Variants in INPP5A observed in about 807,000 individuals in gnomAD.
The protein encoded by INPP5A is 43 kDa inositol polyphosphate 5-phophatase.
A neutral mutation model predicts 65.2 loss-of-function variants in INPP5A; 14 were observed. That is an observed-to-expected ratio of 0.21 (90% CI 0.14 to 0.34). The LOEUF (loss-of-function observed/expected upper bound fraction) is 0.34. Among genes scored for constraint, INPP5A ranks in the 10% least tolerant of loss-of-function variants. INPP5A has a pLI of 1.00. For synonymous variants in INPP5A, 207 were observed against 208.3 expected (o/e 0.99, Z 0.05); for missense variants, 431 against 545.6 (o/e 0.79, Z 2.09).
At chr10:132,563,404 G>A (rs2071230888) in intron 1 of INPP5A, among the ~76,000 whole-genome samples, 1 of 152,220 alleles carries the variant, frequency 6.6e-6, no homozygotes, top group Non-Finnish European at 1.5e-5. Context: ...TCCTGCAAAT[G>A]TGAGCACCAG....
At chr10:132,708,449 C>A in intron 7 of INPP5A, 84 bp downstream of exon 7, 1 of 1,321,568 alleles carries the variant, frequency 7.6e-7, no homozygotes, top group Non-Finnish European at 1.1e-6. Flanking sequence ...CCACACACCT[C>A]ATTGGAGGCT....
intron 2 of INPP5A, among the ~76,000 whole-genome samples, chr10:132,643,959 A>G (rs966631160): frequency 2.5e-4 from 38 of 152,018 alleles, no homozygotes; most frequent in Non-Finnish European, 5.0e-4. Flanking sequence ...GGCAGATCTC[A>G]AGCCCACCCA....
At chr10:132,766,869 C>T (rs1846854932) in intron 12 of INPP5A, among the ~76,000 whole-genome samples, 1 of 143,988 alleles carries the variant, frequency 6.9e-6, no homozygotes, top group Non-Finnish European at 1.5e-5. Context: ...CCTCAGGGAG[C>T]CTGGGTGGGA....
chr10:132,781,822 C>T lies in INPP5A; in HGVS notation c.1159-39C>T, dbSNP rs552437787. On this transcript the variant is annotated intron_variant, in intron 14 of 15. Coordinates refer to ENST00000368594, the MANE Select transcript of INPP5A (RefSeq NM_005539.5). The stretch of plus-strand genomic sequence containing the variant: ...CGGCGGCATGTGCTGTGCTGTCCCG[C>T]GTGCGCCGTGCTGACACCGTCCTCT... The T allele has an allele frequency of 1.4e-5, 22 of 1,543,222 alleles. No homozygotes were observed. In the East Asian group the frequency reaches 3.8e-4, roughly 27 times the overall value.
At chr10:132,713,484 T>G (rs1409436028) in intron 8 of INPP5A, among the ~76,000 whole-genome samples, 4 of 152,126 alleles carry the variant, frequency 2.6e-5, no homozygotes, top group Non-Finnish European at 5.9e-5. Flanking sequence ...GAGTCTGGGC[T>G]GGGCTCCCAT....
intron 12 of INPP5A, among the ~76,000 whole-genome samples, chr10:132,772,674 C>A (rs531464044): frequency 8.4e-6 from 1 of 119,050 alleles, no homozygotes; most frequent in Non-Finnish European, 1.8e-5. Context: ...CCACGGCAGC[C>A]GCCCCACGAA....
intron 4 of INPP5A, among the ~76,000 whole-genome samples, chr10:132,652,777 T>A (rs1312607612): frequency 1.3e-5 from 2 of 152,260 alleles, no homozygotes; most frequent in African/African-American, 2.4e-5. Flanking sequence ...AGTGGCTGTC[T>A]GCATGTCAGG....
chr10:132,623,014 G>A (rs552330057), intron 2 of INPP5A, among the ~76,000 whole-genome samples: 11 of 140,380 alleles, frequency 7.8e-5, no homozygotes, highest in African/African-American at 2.8e-4. Context: ...GAAATATACC[G>A]TCCGTGTTCG....
chr10:132,663,145 G>T lies in INPP5A; in HGVS notation c.306+12640G>T, dbSNP rs2072757812. Among the ~76,000 whole-genome samples, 1 of 152,218 alleles carries T rather than the reference G, an allele frequency of 6.6e-6. No homozygotes were observed. Among genetic ancestry groups the T allele is most frequent in the Non-Finnish European group, 1.5e-5 (1 of 68,048 alleles). ...AACTCGGCACGCCGCAGGACATAACGGCAGAGTGTGAGTAATTTTCCATTT... is the reference window on the plus strand; with the variant it reads ...AACTCGGCACGCCGCAGGACATAACTGCAGAGTGTGAGTAATTTTCCATTT... On this transcript the variant is annotated intron_variant, in intron 4 of 15. Coordinates refer to ENST00000368594, the MANE Select transcript of INPP5A (RefSeq NM_005539.5). The surrounding 1 kb of genome is among the most constrained non-coding windows in gnomAD (Gnocchi z 4.5).
intron 4 of INPP5A, among the ~76,000 whole-genome samples, chr10:132,688,960 TGTG>T (rs919398288): frequency 2.0e-5 from 3 of 151,752 alleles, no homozygotes; most frequent in Non-Finnish European, 2.9e-5. Context: ...AAATGCATGT[TGTG>T]TGTGCATGAG....
At chr10:132,662,883 TGTG>T (rs1169690450) in intron 4 of INPP5A, among the ~76,000 whole-genome samples, 12 of 152,302 alleles carry the variant, frequency 7.9e-5, no homozygotes, top group East Asian at 5.8e-4. Flanking sequence ...GTCTCCTAAT[TGTG>T]GTGATGGTTT....
chr10:132,671,446 G>GGCCTTCCCTGCTCTGGACTCC (rs1564958081), intron 4 of INPP5A, among the ~76,000 whole-genome samples: 1 of 72,710 alleles, frequency 1.4e-5, no homozygotes, highest in Non-Finnish European at 3.0e-5. Context: ...CTTCGGACTC[G>GGCCTTCCCTGCTCTGGACTCC]GCCCTCCCTG....
chr10:132,642,514 G>A (rs1013874480), intron 2 of INPP5A, among the ~76,000 whole-genome samples: 2 of 152,202 alleles, frequency 1.3e-5, no homozygotes, highest in Non-Finnish European at 2.9e-5. Flanking sequence ...TATCCGTGGG[G>A]TCGTTGGAAT....
chr10:132,621,501 C>T (rs763922791), intron 2 of INPP5A, among the ~76,000 whole-genome samples: 4 of 152,090 alleles, frequency 2.6e-5, no homozygotes, highest in Middle Eastern at 3.2e-3. Flanking sequence ...AAGGTGGTAC[C>T]GCTTGAAGCA....
At chr10:132,609,672 TCTCA>T (rs1345797144) in intron 2 of INPP5A, among the ~76,000 whole-genome samples, 2 of 152,156 alleles carry the variant, frequency 1.3e-5, no homozygotes, top group Non-Finnish European at 2.9e-5. Context: ...TGAGACGGAG[TCTCA>T]CTCTGTCACC....
At chr10:132,744,248 C>A (rs1846327751) in intron 9 of INPP5A, among the ~76,000 whole-genome samples, 1 of 152,214 alleles carries the variant, frequency 6.6e-6, no homozygotes, top group Non-Finnish European at 1.5e-5. Flanking sequence ...TTGAGCCCCC[C>A]ACGGATTGAC....
At chr10:132,544,402 G>A (rs80172666) in intron 1 of INPP5A, among the ~76,000 whole-genome samples, 2 of 152,148 alleles carry the variant, frequency 1.3e-5, no homozygotes, top group African/African-American at 4.8e-5. Context: ...TCCCTGCCCC[G>A]GTGCGGCAAT....
At chr10:132,643,732 G>A (rs541746103) in intron 2 of INPP5A, among the ~76,000 whole-genome samples, 6 of 152,138 alleles carry the variant, frequency 3.9e-5, no homozygotes, top group Non-Finnish European at 7.4e-5. Flanking sequence ...AAGGCCAGGA[G>A]CTCTGGCATA....
chr10:132,561,827 TTG>T (rs986386259), intron 1 of INPP5A, among the ~76,000 whole-genome samples: 1 of 151,402 alleles, frequency 6.6e-6, no homozygotes, highest in African/African-American at 2.4e-5. Context: ...TGGTGGAATT[TTG>T]GGGGTTGCGT....
Sources: allele counts gnomAD v4.1 joint callset (sites outside exome capture counted in the v4.1 genomes callset), GRCh38; gene constraint gnomAD v4.1.1; non-coding constraint Gnocchi (gnomAD v3.1); transcripts MANE v1.5; gene names NCBI Gene and HGNC (gene_info 2026-07-23, HGNC 2026-07-21).